ZC3H12B: variants seen among roughly 807,000 people sequenced by gnomAD.
ZC3H12B encodes zinc finger CCCH-type containing 12B.
In ZC3H12B, 7 loss-of-function variants were observed where a neutral mutation model predicts 43.9. The ratio of observed to expected loss-of-function variants is 0.16; its 90% CI spans 0.09 to 0.30. The LOEUF (loss-of-function observed/expected upper bound fraction) is 0.30, where lower values mean the gene tolerates loss of function less well. ZC3H12B is among the 10% of genes least tolerant of loss of function. The pLI is 1.00. For missense variants in ZC3H12B, 475 were observed against 670.2 expected (o/e 0.71, Z 3.22); for synonymous variants, 222 against 241.7 (o/e 0.92, Z 0.76).
At chrX:65,344,181 T>C in the ZC3H12B span, among the ~76,000 whole-genome samples, 1 of 112,036 alleles carries the variant, frequency 8.9e-6, no homozygotes, top group Non-Finnish European at 1.9e-5. Flanking sequence ...AAATCAGAGA[T>C]GATGCAAACA....
At chrX:65,100,757 C>T in the ZC3H12B span, among the ~76,000 whole-genome samples, 1 of 109,559 alleles carries the variant, frequency 9.1e-6, no homozygotes, top group African/African-American at 3.3e-5. Flanking sequence ...AAAACAAGTT[C>T]ATAGAGACCT....
chrX:65,383,524 A>G (rs1295245135), intron 2 of ZC3H12B, among the ~76,000 whole-genome samples: 2 of 111,854 alleles, frequency 1.8e-5, no homozygotes, highest in Non-Finnish European at 3.8e-5. Flanking sequence ...AGGCATTACC[A>G]TTCAGGACAT....
chrX:65,385,334 G>C (rs1347102937), intron 2 of ZC3H12B, among the ~76,000 whole-genome samples: 2 of 111,606 alleles, frequency 1.8e-5, no homozygotes, highest in African/African-American at 6.5e-5. Context: ...TTGAGCAGTG[G>C]TTTGTAGTTC....
chrX:65,147,806 G>T, the ZC3H12B span, among the ~76,000 whole-genome samples: 1 of 110,420 alleles, frequency 9.1e-6, no homozygotes, highest in South Asian at 4.0e-4. Flanking sequence ...GTGGTGCTGG[G>T]GAAAGCATGG....
chrX:65,453,773 G>A (rs1184789837), intron 3 of ZC3H12B, among the ~76,000 whole-genome samples: 1 of 110,886 alleles, frequency 9.0e-6, no homozygotes, highest in East Asian at 2.9e-4. Context: ...CAGCAACCTG[G>A]ATGGAATTAG....
chrX:65,190,304 C>T, the ZC3H12B span, among the ~76,000 whole-genome samples: 1 of 110,520 alleles, frequency 9.0e-6, no homozygotes, highest in African/African-American at 3.3e-5. Flanking sequence ...TCCATATGAA[C>T]TTTAAAGTAT....
chrX:65,456,918 A>T (rs1235336563), intron 3 of ZC3H12B, among the ~76,000 whole-genome samples: 2 of 93,927 alleles, frequency 2.1e-5, no homozygotes, highest in Non-Finnish European at 4.2e-5. Context: ...CTGGGATATG[A>T]GGAGCCCCTC....
At chrX:65,476,854 CT>C (rs1406193684) in intron 3 of ZC3H12B, among the ~76,000 whole-genome samples, 2 of 105,731 alleles carry the variant, frequency 1.9e-5, no homozygotes, top group African/African-American at 7.0e-5. Context: ...TTTTGTCTCA[CT>C]CTGTCACACA....
chrX:65,188,252 T>A, the ZC3H12B span, among the ~76,000 whole-genome samples: 2 of 111,659 alleles, frequency 1.8e-5, no homozygotes, highest in African/African-American at 6.5e-5. Flanking sequence ...CTATTGTGAA[T>A]AGTGTTGCAA....
chrX:65,447,209 T>G (rs531353233), intron 3 of ZC3H12B, among the ~76,000 whole-genome samples: 68 of 112,055 alleles, frequency 6.1e-4, no homozygotes, highest in Middle Eastern at 4.7e-3. Flanking sequence ...CTGTCTTCAC[T>G]CTTTTTCTTT....
the ZC3H12B span, among the ~76,000 whole-genome samples, chrX:65,188,062 G>T: frequency 6.3e-5 from 7 of 111,492 alleles, no homozygotes; most frequent in Non-Finnish European, 9.4e-5. Flanking sequence ...TGCATAGTTT[G>T]TCTTTTGGTA....
chrX:65,126,897 C>T, the ZC3H12B span, among the ~76,000 whole-genome samples: 1 of 108,707 alleles, frequency 9.2e-6, no homozygotes, highest in African/African-American at 3.3e-5. Flanking sequence ...GAAGAATTTT[C>T]CTTTTATATT....
chrX:65,231,926 G>A, the ZC3H12B span, among the ~76,000 whole-genome samples: 2 of 111,672 alleles, frequency 1.8e-5, no homozygotes, highest in African/African-American at 6.5e-5. Context: ...CGAAGTTGAT[G>A]TGATTAAGAG....
chrX:65,253,448 G>A, the ZC3H12B span, among the ~76,000 whole-genome samples: 4 of 112,479 alleles, frequency 3.6e-5, no homozygotes, highest in Admixed American at 3.7e-4. Flanking sequence ...CAGAACTCCA[G>A]CTGGCGCAGA....
chrX:65,340,746 C>A, the ZC3H12B span, among the ~76,000 whole-genome samples: 1 of 112,409 alleles, frequency 8.9e-6, no homozygotes, highest in Non-Finnish European at 1.9e-5. Flanking sequence ...CATCAACCCA[C>A]AAAGATGAGA....
chrX:65,104,056 G>T, the ZC3H12B span, among the ~76,000 whole-genome samples: 1 of 111,207 alleles, frequency 9.0e-6, no homozygotes, highest in Admixed American at 9.6e-5. Flanking sequence ...GCATGATACT[G>T]GTACCAAAAC....
chrX:65,197,855 G>A, the ZC3H12B span, among the ~76,000 whole-genome samples: 1 of 111,848 alleles, frequency 8.9e-6, no homozygotes, highest in East Asian at 2.8e-4. Flanking sequence ...TTTCCACTCA[G>A]CCCATAAATA....
chrX:65,237,613 G>T, the ZC3H12B span, among the ~76,000 whole-genome samples: 1 of 109,326 alleles, frequency 9.1e-6, no homozygotes, highest in South Asian at 3.9e-4. Context: ...AATACGAGTT[G>T]TGAGATAGGG....
the ZC3H12B span, among the ~76,000 whole-genome samples, chrX:65,075,358 T>G: frequency 8.9e-6 from 1 of 112,587 alleles, no homozygotes; most frequent in African/African-American, 3.2e-5. Flanking sequence ...ACATACACTT[T>G]ACTCTTCTGT....
Sources: gnomAD v4.1 joint callset for allele counts (sites outside exome capture counted in the v4.1 genomes callset) on GRCh38, gnomAD v4.1.1 for gene constraint, MANE v1.5 for transcripts, NCBI Gene and HGNC (gene_info 2026-07-23, HGNC 2026-07-21) for gene names.